NAV1: variants seen among roughly 807,000 people sequenced by gnomAD.
NAV1 encodes pore membrane and/or filament interacting like protein 3.
In NAV1, 18 loss-of-function variants were observed where a neutral mutation model predicts 175.2. That is an observed-to-expected ratio of 0.10 (90% CI 0.07 to 0.15). The LOEUF is 0.15. Among genes scored for constraint, NAV1 ranks in the 10% least tolerant of loss-of-function variants. The probability of loss-of-function intolerance (pLI) is 1.00; values close to 1 mark genes in which losing one functional copy is unlikely to be tolerated. For missense variants in NAV1, 1,731 were observed against 2,436.6 expected (o/e 0.71, Z 6.10); for synonymous variants, 897 against 978.7 (o/e 0.92, Z 1.56).
intron 1 of NAV1, among the ~76,000 whole-genome samples, chr1:201,703,443 C>T (rs1480615896): frequency 1.3e-5 from 2 of 152,206 alleles, no homozygotes; most frequent in Non-Finnish European, 2.9e-5. Context: ...CTAACATTCA[C>T]AAGGAAATGG....
At chr1:201,745,251 C>T (rs77445009) in intron 3 of NAV1, among the ~76,000 whole-genome samples, 2 of 152,182 alleles carry the variant, frequency 1.3e-5, no homozygotes, top group Admixed American at 6.5e-5. Context: ...AAATATCCCT[C>T]CCACACACAT....
At chr1:201,747,455 C>T (rs1034296296) in intron 3 of NAV1, among the ~76,000 whole-genome samples, 6 of 152,170 alleles carry the variant, frequency 3.9e-5, no homozygotes, top group African/African-American at 1.4e-4. Flanking sequence ...AATTGTGGCT[C>T]AAAGGCCCTG....
intron 2 of NAV1, among the ~76,000 whole-genome samples, chr1:201,635,518 C>T (rs1400196090): frequency 2.0e-5 from 3 of 152,116 alleles, no homozygotes; most frequent in African/African-American, 7.2e-5. Flanking sequence ...ACATGGTGGC[C>T]CTGGAGAAGC....
intron 1 of NAV1, among the ~76,000 whole-genome samples, chr1:201,561,842 C>G (rs1176979928): frequency 1.3e-5 from 2 of 152,202 alleles, no homozygotes; most frequent in Non-Finnish European, 2.9e-5. Flanking sequence ...GGCTCTGTTC[C>G]TCCATCAGAT....
At chr1:201,648,517 C>G in exon 1 of NAV1, 2 of 1,240,122 alleles carry the variant, frequency 1.6e-6, no homozygotes, top group Non-Finnish European at 2.0e-6. Context: ...CTCCCTCGCT[C>G]TCTCCCCCTT....
intron 1 of NAV1, among the ~76,000 whole-genome samples, chr1:201,650,597 T>A (rs897592843): frequency 2.6e-5 from 4 of 151,170 alleles, no homozygotes; most frequent in Admixed American, 6.6e-5. Context: ...GCTTGGCGGG[T>A]GGGGAACATG....
At chr1:201,554,321 G>GT (rs1435475748) in intron 1 of NAV1, among the ~76,000 whole-genome samples, 1 of 152,194 alleles carries the variant, frequency 6.6e-6, no homozygotes, top group Admixed American at 6.5e-5. Context: ...TGATGAAGCT[G>GT]TTTTACCAGC....
chr1:201,575,677 C>T (rs1357987540), intron 1 of NAV1, among the ~76,000 whole-genome samples: 1 of 152,090 alleles, frequency 6.6e-6, no homozygotes, highest in Non-Finnish European at 1.5e-5. Context: ...AACATGAGTC[C>T]TGGAGGAGCA....
intron 16 of NAV1, chr1:201,804,184 G>T: frequency 2.0e-6 from 1 of 507,284 alleles, no homozygotes. Context: ...TATTACCTTT[G>T]GTAGGTCCAG....
chr1:201,560,501 G>A lies in NAV1; in HGVS notation c.-144+21159G>A, dbSNP rs114550508. On this transcript the variant is annotated intron_variant, in intron 1 of 33. Transcript: ENST00000685211. ...GCCATCCTGGTGTGGTGACCAACAGGCAAGAGCCCAGTGACCCTGCATCCG... is the reference window on the plus strand; with the variant it reads ...GCCATCCTGGTGTGGTGACCAACAGACAAGAGCCCAGTGACCCTGCATCCG... Among the ~76,000 whole-genome samples, 1,084 of 152,254 alleles carry A rather than the reference G, an allele frequency of 7.1e-3. 11 individuals are homozygous for A. The highest frequency in any genetic ancestry group is 0.024 in the African/African-American group (1,014 of 41,540).
intron 1 of NAV1, among the ~76,000 whole-genome samples, chr1:201,570,662 G>A (rs187565939): frequency 1.2e-3 from 181 of 152,312 alleles, no homozygotes; most frequent in African/African-American, 4.0e-3. Flanking sequence ...TGAGGGCTAC[G>A]ACCAGGGCCA....
At chr1:201,632,503 A>G (rs1219840830) in intron 2 of NAV1, among the ~76,000 whole-genome samples, 1 of 152,200 alleles carries the variant, frequency 6.6e-6, no homozygotes, top group Non-Finnish European at 1.5e-5. Flanking sequence ...CCACCATCAG[A>G]TCTTAATTTG....
intron 1 of NAV1, among the ~76,000 whole-genome samples, chr1:201,567,698 G>A (rs1223045158): frequency 6.6e-6 from 1 of 152,174 alleles, no homozygotes; most frequent in African/African-American, 2.4e-5. Flanking sequence ...ACCTGCCGCT[G>A]CTTTGTGGAG....
At chr1:201,644,255 G>A (rs563717263), upstream of NAV1, among the ~76,000 whole-genome samples, 3 of 152,298 alleles carry the variant, frequency 2.0e-5, no homozygotes, top group African/African-American at 7.2e-5. Flanking sequence ...GGGGTAAATG[G>A]CCGAGTGGGA....
chr1:201,628,911 A>G (rs114416468), intron 1 of NAV1, among the ~76,000 whole-genome samples: 3,679 of 152,094 alleles, frequency 0.024, 136 homozygotes, highest in African/African-American at 0.084. Context: ...TTCCTGACCT[A>G]CAAGCTGCCT....
At chr1:201,650,001 G>T (rs939076543) in intron 1 of NAV1, among the ~76,000 whole-genome samples, 1 of 152,154 alleles carries the variant, frequency 6.6e-6, no homozygotes, top group Admixed American at 6.5e-5. Context: ...CCGGGGGCGG[G>T]CGGGCTGCCA....
chr1:201,715,453 C>A (rs944198844), intron 2 of NAV1, among the ~76,000 whole-genome samples: 2 of 152,214 alleles, frequency 1.3e-5, no homozygotes, highest in Non-Finnish European at 2.9e-5. Flanking sequence ...AGCCACCACG[C>A]CCTGCCGGCT....
rs537485101 is a variant in NAV1 at position 201,642,809 on chromosome 1, G to A, written c.5-5825G>A. ...TTCTTTCTCGGAGTCTTGCTCTGTC[G>A]CCCAGGCTGGAGTGCAGTGGCGCCA... On this transcript the variant is annotated intron_variant, in intron 2 of 29. Transcript: ENST00000367302. Among the ~76,000 whole-genome samples the A allele has an allele frequency of 4.6e-4, 65 of 140,652 alleles. 1 individual carries two copies. The Middle Eastern group carries it at 0.012, about 26-fold the overall frequency. 92.3% of individuals were successfully genotyped at this position (140,652 alleles called of 152,430 possible).
Position 201,811,894 on chromosome 1 carries a change from T to C in NAV1, c.4953-9T>C, listed in dbSNP as rs558288819. ...TCTAAGTGAATCTTTTTCCCCTTTC[T>C]CCCTACAGTCCCTATATTATAGGTA... On this transcript the variant is annotated splice_polypyrimidine_tract_variant and intron_variant, in intron 25 of 29. Coordinates refer to ENST00000367296, the Ensembl canonical transcript of NAV1. 6.8e-6 allele frequency: 11 copies of C among 1,614,050 alleles called. No individual in the cohort carries two copies. In the South Asian group the frequency reaches 1.1e-4, roughly 16 times the overall value.
Sources: gnomAD v4.1 joint callset for allele counts (sites outside exome capture counted in the v4.1 genomes callset) on GRCh38, gnomAD v4.1.1 for gene constraint, MANE v1.5 for transcripts, NCBI Gene and HGNC (gene_info 2026-07-23, HGNC 2026-07-21) for gene names.